CSMD1: variants seen among roughly 807,000 people sequenced by gnomAD.
CSMD1 encodes the protein CUB and sushi domain-containing protein 1.
A neutral mutation model predicts 417.5 loss-of-function variants in CSMD1; 213 were observed. The ratio of observed to expected loss-of-function variants is 0.51; its 90% CI spans 0.46 to 0.57. The LOEUF (loss-of-function observed/expected upper bound fraction) is 0.57. Among genes scored for constraint, CSMD1 ranks in the 20% least tolerant of loss-of-function variants. CSMD1 has a pLI of 0.00. For synonymous variants in CSMD1, 2,862 were observed against 1,736.8 expected, an observed-to-expected ratio of 1.65 and a Z score of -16.11; for missense variants, 6,923 against 4,529.7, an observed-to-expected ratio of 1.53 and a Z score of -15.17.
intron 1 of CSMD1, among the ~76,000 whole-genome samples, chr8:4,723,586 T>C (rs1325926803): frequency 2.0e-5 from 3 of 152,010 alleles, no homozygotes; most frequent in Non-Finnish European, 4.4e-5. Context: ...TTGTAAATTG[T>C]ATGAAAAGAG....
chr8:3,730,780 T>C lies in CSMD1; in HGVS notation c.932-22289A>G, dbSNP rs141970000. Among the ~76,000 whole-genome samples the C allele has an allele frequency of 3.9e-5, 6 of 152,308 alleles. No individual in the cohort carries two copies. In the East Asian group the frequency reaches 1.2e-3, roughly 29 times the overall value. Reference sequence around the variant, plus strand: ...AGAGTTATGTGTCACTCAGAGGTGATACCCTTAACCTAATATTTTGACATG... The same window carrying C: ...AGAGTTATGTGTCACTCAGAGGTGACACCCTTAACCTAATATTTTGACATG... On this transcript the variant is annotated intron_variant, in intron 6 of 69. Coordinates refer to ENST00000635120, the MANE Select transcript of CSMD1 (RefSeq NM_033225.6).
chr8:3,137,666 C>G (rs529119748), intron 41 of CSMD1, among the ~76,000 whole-genome samples: 1 of 152,152 alleles, frequency 6.6e-6, no homozygotes, highest in East Asian at 1.9e-4. Context: ...CTCTAAATTT[C>G]TTATAATACT....
chr8:3,361,774 C>T lies in CSMD1; in HGVS notation c.3116-2434G>A, dbSNP rs539490746. On this transcript the variant is annotated intron_variant, in intron 20 of 69. Coordinates refer to ENST00000635120, the MANE Select transcript of CSMD1 (RefSeq NM_033225.6). ...AACACCATGATCTTATGGTTCTTTG[C>T]TTTAAGTATATTTTTACTATATATT... Among the ~76,000 whole-genome samples the T allele has an allele frequency of 4.0e-5, 6 of 150,976 alleles. No homozygotes were observed. The East Asian group carries it at 9.7e-4, about 24-fold the overall frequency.
At chr8:3,971,044 C>T (rs932867313) in intron 5 of CSMD1, among the ~76,000 whole-genome samples, 1 of 152,166 alleles carries the variant, frequency 6.6e-6, no homozygotes, top group African/African-American at 2.4e-5. Context: ...AGTCACCGCG[C>T]CCGGCCTACA....
intron 2 of CSMD1, among the ~76,000 whole-genome samples, chr8:4,468,926 A>G (rs1318817774): frequency 1.4e-5 from 2 of 148,122 alleles, no homozygotes; most frequent in East Asian, 2.0e-4. Flanking sequence ...GCTGGAAACA[A>G]GCTCATTCTG....
intron 2 of CSMD1, among the ~76,000 whole-genome samples, chr8:4,478,843 T>C (rs1351410692): frequency 6.6e-6 from 1 of 152,226 alleles, no homozygotes; most frequent in Non-Finnish European, 1.5e-5. Flanking sequence ...TGCTTTGACA[T>C]CCATACTTAG....
intron 3 of CSMD1, among the ~76,000 whole-genome samples, chr8:4,295,512 T>C (rs1275890096): frequency 6.9e-6 from 1 of 144,464 alleles, no homozygotes; most frequent in East Asian, 2.1e-4. Context: ...TATACACATA[T>C]AATCTTATAT....
chr8:3,662,876 A>G (rs1798491332), intron 7 of CSMD1, among the ~76,000 whole-genome samples: 5 of 152,076 alleles, frequency 3.3e-5, no homozygotes, highest in African/African-American at 1.2e-4. Flanking sequence ...ATTAGGACAA[A>G]TATGTAATGC....
chr8:4,595,055 G>A (rs1345432335), intron 2 of CSMD1, among the ~76,000 whole-genome samples: 1 of 152,176 alleles, frequency 6.6e-6, no homozygotes, highest in African/African-American at 2.4e-5. Flanking sequence ...AAACCTTAGA[G>A]GTGTAAACAT....
intron 18 of CSMD1, among the ~76,000 whole-genome samples, chr8:3,384,727 A>ATT (rs1380585714): frequency 3.3e-5 from 4 of 121,754 alleles, no homozygotes; most frequent in Non-Finnish European, 4.9e-5. Flanking sequence ...TATAATATTT[A>ATT]TATATATTAT....
chr8:3,220,250 C>T (rs970007225), intron 28 of CSMD1, among the ~76,000 whole-genome samples: 1 of 149,690 alleles, frequency 6.7e-6, no homozygotes, highest in Non-Finnish European at 1.5e-5. Context: ...GTTTCACCAT[C>T]ACTGAATATC....
In CSMD1 at chr8:4,173,581, T is replaced by C. The variant is rs139367254; in HGVS notation, c.416-141482A>G. On this transcript the variant is annotated intron_variant, in intron 3 of 69. Coordinates refer to ENST00000635120, the MANE Select transcript of CSMD1 (RefSeq NM_033225.6). ...AAAATTATCAAATGATGTAACAATA[T>C]GATTCGCTGGGTTTAAAAGTTATTA... Among the ~76,000 whole-genome samples the C allele has an allele frequency of 2.1e-4, 32 of 152,184 alleles. 1 individual carries two copies. The East Asian group carries it at 6.2e-3, about 29-fold the overall frequency.
intron 3 of CSMD1, among the ~76,000 whole-genome samples, chr8:4,209,391 G>C (rs10503241): frequency 0.1 from 15,888 of 152,120 alleles, 1,197 homozygotes; most frequent in African/African-American, 0.2. Flanking sequence ...TGATGCCGAA[G>C]ACTCTCCAGG....
At chr8:4,613,794 C>T (rs928159800) in intron 2 of CSMD1, among the ~76,000 whole-genome samples, 5 of 148,106 alleles carry the variant, frequency 3.4e-5, no homozygotes, top group African/African-American at 7.5e-5. Context: ...CACCCAGGGA[C>T]TGGGATTCAC....
chr8:3,017,400 C>T (rs1334426827), intron 52 of CSMD1, among the ~76,000 whole-genome samples: 1 of 152,132 alleles, frequency 6.6e-6, no homozygotes, highest in South Asian at 2.1e-4. Flanking sequence ...GAAATGTCAT[C>T]GTCTACTGAA....
intron 7 of CSMD1, among the ~76,000 whole-genome samples, chr8:3,644,041 G>A (rs1055387961): frequency 5.3e-5 from 8 of 152,136 alleles, no homozygotes; most frequent in Admixed American, 2.6e-4. Flanking sequence ...TGAAACACAA[G>A]GAATCAAAGC....
chr8:4,016,799 G>A (rs1046914101), intron 4 of CSMD1, among the ~76,000 whole-genome samples: 2 of 152,132 alleles, frequency 1.3e-5, no homozygotes, highest in Non-Finnish European at 2.9e-5. Flanking sequence ...TTTTTTGGTC[G>A]TTGTTTTATT....
chr8:3,298,527 C>A (rs186132476), intron 25 of CSMD1, among the ~76,000 whole-genome samples: 1 of 152,300 alleles, frequency 6.6e-6, no homozygotes, highest in Admixed American at 6.5e-5. Context: ...GATCGTGGCT[C>A]ACTGCAACCT....
intron 7 of CSMD1, among the ~76,000 whole-genome samples, chr8:3,626,091 C>G (rs765979423): frequency 2.0e-5 from 3 of 152,172 alleles, no homozygotes; most frequent in Non-Finnish European, 4.4e-5. Flanking sequence ...GTCCTCATCA[C>G]CATCTGTCTG....
Sources: gnomAD v4.1 joint callset for allele counts (sites outside exome capture counted in the v4.1 genomes callset) on GRCh38, gnomAD v4.1.1 for gene constraint, MANE v1.5 for transcripts, NCBI Gene and HGNC (gene_info 2026-07-23, HGNC 2026-07-21) for gene names.